Variants in LAPTM5 observed in about 807,000 individuals in gnomAD.
LAPTM5 encodes the protein lysosomal-associated transmembrane protein 5.
In LAPTM5, 11 loss-of-function variants were observed where a neutral mutation model predicts 30.1. That is an observed-to-expected ratio of 0.37 (90% CI 0.23 to 0.60). The LOEUF (loss-of-function observed/expected upper bound fraction) is 0.60, where lower values mean the gene tolerates loss of function less well. Ranked by LOEUF, LAPTM5 falls within the 20% of genes least tolerant of loss-of-function variation. The pLI, the probability that LAPTM5 is intolerant of heterozygous loss-of-function variation, is 0.71. For synonymous variants in LAPTM5, 151 were observed against 137.9 expected, an observed-to-expected ratio of 1.10 and a Z score of -0.67; for missense variants, 324 against 332.5, an observed-to-expected ratio of 0.97 and a Z score of 0.20.
At position 30,746,856 on chromosome 1, in the gene LAPTM5, G is replaced by T; in HGVS notation, c.88-4307C>A. ...CTGAGGTCAAATGGAATCGTGTGGT[G>T]CGCGGAGCCGGGCACACAGCAGGTG... On this transcript the variant is annotated intron_variant, in intron 1 of 7. Coordinates refer to ENST00000294507, the MANE Select transcript of LAPTM5 (RefSeq NM_006762.3). The surrounding 1 kb of genome is among the most constrained non-coding windows in gnomAD (Gnocchi z 4.0). Among the ~76,000 whole-genome samples the T allele has an allele frequency of 6.6e-6, 1 of 152,216 alleles. No homozygotes were observed. Among genetic ancestry groups the T allele is most frequent in the African/African-American group, 2.4e-5 (1 of 41,454 alleles).
intron 2 of LAPTM5, chr1:30,742,066 G>A (rs568265227): frequency 5.5e-6 from 2 of 366,884 alleles, no homozygotes; most frequent in Middle Eastern, 1.6e-3. Flanking sequence ...CTGGAGCAAG[G>A]TGTGGGGTGG....
chr1:30,745,656 G>A (rs1283120745), intron 1 of LAPTM5, among the ~76,000 whole-genome samples: 1 of 152,210 alleles, frequency 6.6e-6, no homozygotes, highest in Non-Finnish European at 1.5e-5. Context: ...CAACCTCAGA[G>A]CCTGACTTAG....
In LAPTM5 at chr1:30,739,156, G is replaced by A. The variant is rs564645442; in HGVS notation, c.388-94C>T. The A allele has an allele frequency of 2.3e-4, 326 of 1,445,734 alleles. 1 individual carries two copies. The highest frequency in any genetic ancestry group is 5.3e-4 in the Middle Eastern group (3 of 5,640). 89.6% of individuals were successfully genotyped at this position (1,445,734 alleles called of 1,614,324 possible). On this transcript the variant is annotated intron_variant, in intron 4 of 7. Coordinates refer to ENST00000294507, the MANE Select transcript of LAPTM5 (RefSeq NM_006762.3). This position sits in a 1 kb window ranked among gnomAD's most constrained non-coding sequence, Gnocchi z 4.2. Reference sequence around the variant, plus strand: ...ATAGTAGGCCCTCACTTGAGAGACCGTCTCAGCTACAGACATCAGTGACTC... The same window carrying A: ...ATAGTAGGCCCTCACTTGAGAGACCATCTCAGCTACAGACATCAGTGACTC...
At chr1:30,737,780 C>T (rs1027328319) in intron 5 of LAPTM5, 81 bp from the exon 6 acceptor site, 9 of 897,910 alleles carry the variant, frequency 1.0e-5, no homozygotes, top group Non-Finnish European at 1.5e-5. Context: ...GAATAATGAT[C>T]CCACCCTCCA....
chr1:30,739,921 A>C lies in LAPTM5; in HGVS notation c.275T>G (p.Leu92Arg). The C allele has an allele frequency of 6.2e-7, 1 of 1,601,048 alleles. No individual in the cohort carries two copies. The highest frequency in any genetic ancestry group is 8.5e-7 in the Non-Finnish European group (1 of 1,172,398). ...GATTTGCAGGGACAGGAAGGGCAGC[A>C]GGTACTTCTCCCGGTTCTGAAAGGT... ...IGVVKNREKY[L>R]LPFLSLQIMD... The change falls in exon 4 of 8, where the codon CTG becomes CGG. Residue 92 changes from leucine to arginine, a missense_variant. Coordinates refer to ENST00000294507, the MANE Select transcript of LAPTM5 (RefSeq NM_006762.3). This position sits in a 1 kb window ranked among gnomAD's most constrained non-coding sequence, Gnocchi z 4.2.
At chr1:30,749,675 G>GA (rs1452203996) in intron 1 of LAPTM5, among the ~76,000 whole-genome samples, 1 of 152,088 alleles carries the variant, frequency 6.6e-6, no homozygotes, top group Non-Finnish European at 1.5e-5. Flanking sequence ...AACCGTAGGG[G>GA]TCAGGGCGGG....
In LAPTM5 at chr1:30,739,073, C is replaced by A; in HGVS notation, c.388-11G>T. ...GAACTTGGAGGAGCTCTGGGGAGGA[C>A]AAATACAAGGAGGAGGAATGAGGAG... On this transcript the variant is annotated splice_polypyrimidine_tract_variant and intron_variant, in intron 4 of 7. Transcript: ENST00000294507. This position sits in a 1 kb window ranked among gnomAD's most constrained non-coding sequence, Gnocchi z 4.2. 3.2e-6 allele frequency: 5 copies of A among 1,580,030 alleles called. No individual in the cohort carries two copies.
At chr1:30,741,077 G>A (rs183149729) in intron 3 of LAPTM5, among the ~76,000 whole-genome samples, 1 of 152,296 alleles carries the variant, frequency 6.6e-6, no homozygotes, top group East Asian at 1.9e-4. Context: ...CTCGGGCCCA[G>A]GAGCCCCTCG....
chr1:30,736,629 T>C (rs1488549001), intron 6 of LAPTM5, among the ~76,000 whole-genome samples: 2 of 151,876 alleles, frequency 1.3e-5, no homozygotes, highest in African/African-American at 2.4e-5. Context: ...AGAGACAGAA[T>C]CTTGCTATGT....
At position 30,733,933 on chromosome 1, in the gene LAPTM5, A is replaced by C. The variant is rs1639852363; in HGVS notation, c.700-16T>G. 6.2e-7 allele frequency: 1 copy of C among 1,608,776 alleles called. No homozygotes were observed. Among genetic ancestry groups the C allele is most frequent in the Non-Finnish European group, 8.5e-7 (1 of 1,178,746 alleles). On this transcript the variant is annotated splice_polypyrimidine_tract_variant and intron_variant, in intron 7 of 7. Coordinates refer to ENST00000294507, the MANE Select transcript of LAPTM5 (RefSeq NM_006762.3). The stretch of plus-strand genomic sequence containing the variant: ...GCAGGACCACCTGGGAGAGACAGAG[A>C]GATGAGGGCTGAGTATGGTCAAGAA...
chr1:30,752,514 C>T (rs1010625737), intron 1 of LAPTM5, among the ~76,000 whole-genome samples: 1 of 152,200 alleles, frequency 6.6e-6, no homozygotes, highest in Non-Finnish European at 1.5e-5. Flanking sequence ...CTCCCCCCGC[C>T]CAGCGTGACC....
At chr1:30,754,078 T>G in intron 1 of LAPTM5, among the ~76,000 whole-genome samples, 1 of 152,162 alleles carries the variant, frequency 6.6e-6, no homozygotes, top group Non-Finnish European at 1.5e-5. Flanking sequence ...ACCCAGACAA[T>G]GCATTTCTGA....
intron 6 of LAPTM5, among the ~76,000 whole-genome samples, chr1:30,736,072 A>C (rs1242885147): frequency 1.3e-5 from 2 of 152,024 alleles, no homozygotes; most frequent in Non-Finnish European, 2.9e-5. Context: ...TGGGGGACGG[A>C]GCTGTGTGCT....
In LAPTM5 at chr1:30,736,159, G is replaced by GTGT. The variant is rs145009467; in HGVS notation, c.607-897_607-895dup. On this transcript the variant is annotated intron_variant, in intron 6 of 7. Coordinates refer to ENST00000294507, the MANE Select transcript of LAPTM5 (RefSeq NM_006762.3). ...GGCTTCCCCCATGAGGCCTTCAGGG[G>GTGT]TGTTCTCACTGTACACTCACTAGTG... is the stretch of plus-strand genomic sequence containing the variant. Among the ~76,000 whole-genome samples, 983 of 152,248 alleles carry GTGT rather than the reference G, an allele frequency of 6.5e-3. 9 individuals are homozygous for GTGT. Among genetic ancestry groups the GTGT allele is most frequent in the African/African-American group, 0.021 (858 of 41,540 alleles).
At chr1:30,752,786 CCTT>C (rs1569875489) in intron 1 of LAPTM5, among the ~76,000 whole-genome samples, 1 of 152,170 alleles carries the variant, frequency 6.6e-6, no homozygotes, top group Non-Finnish European at 1.5e-5. Context: ...AATAGAGACT[CCTT>C]CTTCAAATAC....
rs1312039928 is a variant in LAPTM5, at chr1:30,732,825, A to T, written c.*1003T>A. ...TTCAGGGCTGAATTTTTGCTTGACC[A>T]CAAGCCTCGGGCAGAACAGATTCGC... On this transcript the variant is annotated 3_prime_UTR_variant, in exon 8 of 8. Transcript: ENST00000294507. 1 of 152,258 alleles carries T rather than the reference A, an allele frequency of 6.6e-6. No individual in the cohort carries two copies. Among genetic ancestry groups the T allele is most frequent in the East Asian group, 1.9e-4 (1 of 5,198 alleles). 9.4% of individuals were successfully genotyped at this position (152,258 alleles called of 1,614,324 possible).
chr1:30,733,917 C>G lies in LAPTM5; in HGVS notation c.700G>C (p.Val234Leu). Reference sequence around the variant, plus strand: ...GCTTCCTCGTAGGACGGCAGGACCACCTGGGAGAGACAGAGAGATGAGGGC... The same window carrying G: ...GCTTCCTCGTAGGACGGCAGGACCAGCTGGGAGAGACAGAGAGATGAGGGC... ...EKRNSKMLQK[V>L]VLPSYEEALS... The change falls in exon 8 of 8, where the codon GTG becomes CTG. Residue 234 changes from valine (V) to leucine (L), a missense_variant and splice_region_variant. By Grantham distance (32) the Val-to-Leu change is conservative. Coordinates refer to ENST00000294507, the MANE Select transcript of LAPTM5 (RefSeq NM_006762.3). 6.2e-7 allele frequency: 1 copy of G among 1,610,706 alleles called. No homozygotes were observed. The highest frequency in any genetic ancestry group is 8.5e-7 in the Non-Finnish European group (1 of 1,179,262).
chr1:30,743,342 ACT>A (rs1484580055), intron 1 of LAPTM5, among the ~76,000 whole-genome samples: 1 of 152,118 alleles, frequency 6.6e-6, no homozygotes, highest in Non-Finnish European at 1.5e-5. Flanking sequence ...TGAACCCCAC[ACT>A]CTCAGATGAC....
chr1:30,751,956 G>A (rs996649967), intron 1 of LAPTM5, among the ~76,000 whole-genome samples: 6 of 152,232 alleles, frequency 3.9e-5, no homozygotes, highest in Admixed American at 2.0e-4. Flanking sequence ...AGATGGGCCT[G>A]TGTTCCTTTC....
Sources: allele counts gnomAD v4.1 joint callset (sites outside exome capture counted in the v4.1 genomes callset), GRCh38; gene constraint gnomAD v4.1.1; non-coding constraint Gnocchi (gnomAD v3.1); transcripts MANE v1.5; gene names NCBI Gene and HGNC (gene_info 2026-07-23, HGNC 2026-07-21).